The following C3orf20 variants were observed in gnomAD, a reference collection of about 807,000 sequenced individuals.
C3orf20 encodes the protein uncharacterized protein C3orf20.
Under a neutral mutation model 88.3 loss-of-function variants are expected in C3orf20, and 76 were observed. The ratio of observed to expected loss-of-function variants is 0.86; its 90% CI spans 0.72 to 1.04. The LOEUF is 1.04. Ranked by LOEUF, C3orf20 falls within the 50% of genes least tolerant of loss-of-function variation. The pLI is 0.00. For missense variants in C3orf20, 1,056 were observed against 1,123.3 expected, an observed-to-expected ratio of 0.94 and a Z score of 0.86; for synonymous variants, 436 against 437.4, an observed-to-expected ratio of 1.00 and a Z score of 0.04.
intron 5 of C3orf20, 117 bp downstream of exon 5, chr3:14,690,233 A>T: frequency 1.4e-6 from 2 of 1,401,212 alleles, no homozygotes; most frequent in East Asian, 2.4e-5. Context: ...TCTGATTAGA[A>T]GGATACATAG....
At chr3:14,740,241 T>C (rs2034862337) in intron 12 of C3orf20, among the ~76,000 whole-genome samples, 1 of 152,228 alleles carries the variant, frequency 6.6e-6, no homozygotes, top group Admixed American at 6.5e-5. Flanking sequence ...ATTGTAGAGT[T>C]ACTATAGTAG....
At position 14,772,790 on chromosome 3, in the gene C3orf20, G is replaced by A; in HGVS notation, c.2631-1G>A. 2 of 1,613,022 alleles carry A rather than the reference G, an allele frequency of 1.2e-6. No homozygotes were observed. Among genetic ancestry groups the A allele is most frequent in the East Asian group, 2.2e-5 (1 of 44,846 alleles). ...TCCCGGCCCTCTATTTTGATCTTTAGGACAAGAGAGCCTGAAGTGGAGCTA... is the reference window on the plus strand; with the variant it reads ...TCCCGGCCCTCTATTTTGATCTTTAAGACAAGAGAGCCTGAAGTGGAGCTA... On this transcript the variant is annotated splice_acceptor_variant, in intron 16 of 16. Coordinates refer to ENST00000253697, the MANE Select transcript of C3orf20 (RefSeq NM_032137.5). LOFTEE classifies it high-confidence loss of function. The surrounding 1 kb of genome is among the most constrained non-coding windows in gnomAD (Gnocchi z 4.2).
intron 7 of C3orf20, among the ~76,000 whole-genome samples, chr3:14,707,711 G>A (rs527633061): frequency 1.3e-5 from 2 of 151,390 alleles, no homozygotes; most frequent in East Asian, 3.9e-4. Flanking sequence ...TTTAAATTTT[G>A]ATGAAGTCCA....
At chr3:14,761,091 A>G (rs970795256) in intron 14 of C3orf20, among the ~76,000 whole-genome samples, 2 of 151,990 alleles carry the variant, frequency 1.3e-5, no homozygotes, top group Non-Finnish European at 2.9e-5. Flanking sequence ...CAGCAGGAGA[A>G]CACATTTCTG....
At position 14,723,104 on chromosome 3, in the gene C3orf20, G is replaced by A. The variant is rs7646737; in HGVS notation, c.1566+1320G>A. Among the ~76,000 whole-genome samples the A allele has an allele frequency of 9.4e-3, 1,428 of 152,328 alleles. 14 individuals carry two copies. The highest frequency in any genetic ancestry group is 0.012 in the Non-Finnish European group (848 of 68,024). On this transcript the variant is annotated intron_variant, in intron 10 of 16. Transcript: ENST00000253697. ...GAGCAATTATATACCTGGAGAAATT[G>A]TAAATGGCACTATGTGTCCCCCTCA...
At chr3:14,720,537 GTTGTT>G (rs1559419304) in intron 9 of C3orf20, among the ~76,000 whole-genome samples, 31 of 6,022 alleles carry the variant, frequency 5.1e-3, no homozygotes, top group East Asian at 0.04. Flanking sequence ...GAGAGTGGTT[GTTGTT>G]GTTGTTGTTG....
intron 7 of C3orf20, among the ~76,000 whole-genome samples, chr3:14,707,516 A>G (rs2033562782): frequency 6.7e-6 from 1 of 149,036 alleles, no homozygotes; most frequent in Non-Finnish European, 1.5e-5. Context: ...CTTTGGAGAA[A>G]TGTGTATTGA....
chr3:14,734,469 G>A (rs1055741839), intron 12 of C3orf20, among the ~76,000 whole-genome samples: 1 of 152,068 alleles, frequency 6.6e-6, no homozygotes, highest in Non-Finnish European at 1.5e-5. Flanking sequence ...GATATTTAGA[G>A]TGTGTAACGT....
Position 14,703,277 on chromosome 3 carries a change from G to T in C3orf20, c.878+15G>T, listed in dbSNP as rs746206276. ...TGTCGCCACATGTGAGCACCTCAGT[G>T]CTTGGGTCGGGGGAGTCAAGGGTTC... On this transcript the variant is annotated intron_variant, in intron 6 of 16. Transcript: ENST00000253697. 2 of 1,613,864 alleles carry T rather than the reference G, an allele frequency of 1.2e-6. No individual in the cohort carries two copies. Among genetic ancestry groups the T allele is most frequent in the Non-Finnish European group, 1.7e-6 (2 of 1,180,012 alleles).
intron 15 of C3orf20, among the ~76,000 whole-genome samples, chr3:14,764,005 G>C (rs2035631477): frequency 6.6e-6 from 1 of 152,066 alleles, no homozygotes; most frequent in Admixed American, 6.6e-5. Context: ...ACACAAACCA[G>C]ATACACACAT....
intron 4 of C3orf20, among the ~76,000 whole-genome samples, chr3:14,686,544 G>A (rs572049360): frequency 6.6e-6 from 1 of 152,246 alleles, no homozygotes; most frequent in East Asian, 1.9e-4. Context: ...GTGTAACGTG[G>A]TATCTCATTG....
intron 14 of C3orf20, 49 bp from the exon 15 acceptor site, chr3:14,761,424 G>A: frequency 6.2e-7 from 1 of 1,610,880 alleles, no homozygotes; most frequent in Non-Finnish European, 8.5e-7. Flanking sequence ...AGTGGACACT[G>A]CTGTGCTGAT....
At chr3:14,771,959 G>A in intron 15 of C3orf20, 108 bp from the exon 16 acceptor site, 1 of 1,408,374 alleles carries the variant, frequency 7.1e-7, no homozygotes, top group South Asian at 1.3e-5. Context: ...GCCCTCAGGA[G>A]GAGAAGCACT....
Position 14,772,304 on chromosome 3 carries a change from CATGTCCAACCAT to C in C3orf20, c.2630+104_2630+115del, listed in dbSNP as rs1280404612. 3 of 1,398,838 alleles carry C rather than the reference CATGTCCAACCAT, an allele frequency of 2.1e-6. No individual in the cohort carries two copies. The highest frequency in any genetic ancestry group is 2.8e-5 in the African/African-American group (2 of 70,356). The allele number at this position is 1,398,838 out of a possible 1,614,324, so 86.7% of individuals were successfully genotyped here. A position where few individuals can be genotyped will look rare whatever the true frequency, so the allele number is the denominator to read the frequency against. ...CACTACCCCCAGGCGTGGCCTGGGT[CATGTCCAACCAT>C]CGCTGACATCTAGCCCATGTAATCA... is the stretch of plus-strand genomic sequence containing the variant. On this transcript the variant is annotated intron_variant, in intron 16 of 16. Transcript: ENST00000253697. The surrounding 1 kb of genome is among the most constrained non-coding windows in gnomAD (Gnocchi z 4.2).
rs115468862 is a variant in C3orf20, at chr3:14,692,075, A to G, written c.745+1959A>G. Among the ~76,000 whole-genome samples, 158 of 152,258 alleles carry G rather than the reference A, an allele frequency of 1.0e-3. 1 individual carries two copies. Among genetic ancestry groups the G allele is most frequent in the African/African-American group, 3.5e-3 (145 of 41,542 alleles). ...ATGTTGTTGCAAATGACAGGATCTC[A>G]TTCTCTTTTTATGGCTGACTAGTAC... On this transcript the variant is annotated intron_variant, in intron 5 of 16. Transcript: ENST00000253697.
rs1426205942 is a variant in C3orf20 at position 14,772,752 on chromosome 3, C to A, written c.2631-39C>A. ...CCTGGGCTCTGGGCACTGTGAAGAA[C>A]AGCCCTTCCGCCTCCCGGCCCTCTA... On this transcript the variant is annotated intron_variant, in intron 16 of 16. Coordinates refer to ENST00000253697, the MANE Select transcript of C3orf20 (RefSeq NM_032137.5). This position sits in a 1 kb window ranked among gnomAD's most constrained non-coding sequence, Gnocchi z 4.2. The A allele has an allele frequency of 6.5e-7, 1 of 1,548,946 alleles. No homozygotes were observed. The highest frequency in any genetic ancestry group is 8.9e-7 in the Non-Finnish European group (1 of 1,122,238).
chr3:14,697,422 A>T (rs2033057593), intron 5 of C3orf20, among the ~76,000 whole-genome samples: 1 of 151,770 alleles, frequency 6.6e-6, no homozygotes, highest in East Asian at 1.9e-4. Flanking sequence ...AAGCTCACTA[A>T]TTCTTTCTTC....
At chr3:14,761,166 G>A (rs2035549615) in intron 14 of C3orf20, among the ~76,000 whole-genome samples, 1 of 151,862 alleles carries the variant, frequency 6.6e-6, no homozygotes, top group African/African-American at 2.4e-5. Context: ...CAGGCAGAAG[G>A]GAAGGAGTGC....
chr3:14,772,708 C>A lies in C3orf20; in HGVS notation c.2631-83C>A. ...ACCTGTGCAAGGGAGAGGGCCTTGC[C>A]CCTCCTGGCCCAACCGGGCCTGGGC... On this transcript the variant is annotated intron_variant, in intron 16 of 16. Transcript: ENST00000253697. The surrounding 1 kb of genome is among the most constrained non-coding windows in gnomAD (Gnocchi z 4.2). 8.8e-7 allele frequency: 1 copy of A among 1,138,900 alleles called. No homozygotes were observed. The allele number at this position is 1,138,900 out of a possible 1,614,324, so 70.5% of individuals were successfully genotyped here. A position where few individuals can be genotyped will look rare whatever the true frequency, so the allele number is the denominator to read the frequency against.
Sources: allele counts gnomAD v4.1 joint callset (sites outside exome capture counted in the v4.1 genomes callset), GRCh38; gene constraint gnomAD v4.1.1; non-coding constraint Gnocchi (gnomAD v3.1); transcripts MANE v1.5; gene names NCBI Gene and HGNC (gene_info 2026-07-23, HGNC 2026-07-21).